Variants in NAPB observed in about 807,000 individuals in gnomAD.
NAPB encodes the protein beta-soluble NSF attachment protein.
In NAPB, 26 loss-of-function variants were observed where a neutral mutation model predicts 44.7. The observed-to-expected ratio is 0.58, with a 90% CI of 0.43 to 0.81. The LOEUF (loss-of-function observed/expected upper bound fraction) is 0.81. Ranked by LOEUF, NAPB falls within the 30% of genes least tolerant of loss-of-function variation. The pLI, the probability that NAPB is intolerant of heterozygous loss-of-function variation, is 0.00. For synonymous variants in NAPB, 120 were observed against 116.8 expected (o/e 1.03, Z -0.18); for missense variants, 315 against 356.4 (o/e 0.88, Z 0.94).
At chr20:23,377,600 A>T in intron 10 of NAPB, 114 bp from the exon 11 acceptor site, 1 of 454,638 alleles carries the variant, frequency 2.2e-6, no homozygotes, top group Non-Finnish European at 3.7e-6. Flanking sequence ...AACTTTCTTC[A>T]TCATTTGAAA....
chr20:23,384,506 T>C (rs1199615277), intron 7 of NAPB, among the ~76,000 whole-genome samples: 1 of 151,820 alleles, frequency 6.6e-6, no homozygotes, highest in Non-Finnish European at 1.5e-5. Context: ...GTCTCAGCTA[T>C]TCTGGAGGCT....
At chr20:23,378,700 C>T (rs1267002097) in intron 10 of NAPB, 1 of 151,522 alleles carries the variant, frequency 6.6e-6, no homozygotes, top group East Asian at 1.9e-4. Context: ...CCTTGGCCTC[C>T]CAAAGTGCTA....
At chr20:23,399,225 G>C (rs1025590303) in intron 2 of NAPB, among the ~76,000 whole-genome samples, 3 of 152,136 alleles carry the variant, frequency 2.0e-5, no homozygotes, top group African/African-American at 7.2e-5. Flanking sequence ...GTAGTGCTAT[G>C]ATCTGAATGG....
At chr20:23,395,068 AAAAG>A in intron 4 of NAPB, 67 bp downstream of exon 4, 1 of 1,612,718 alleles carries the variant, frequency 6.2e-7, no homozygotes, top group South Asian at 1.1e-5. Context: ...GGGAACATAA[AAAAG>A]AAAGATAGAA....
intron 7 of NAPB, among the ~76,000 whole-genome samples, chr20:23,388,213 T>A (rs1340574188): frequency 2.0e-5 from 3 of 152,008 alleles, no homozygotes; most frequent in African/African-American, 7.2e-5. Flanking sequence ...ATCAAGCGAA[T>A]CAATTCCCTC....
rs933067735 is a variant in NAPB, at chr20:23,421,479, C to A, written c.-77G>T. On this transcript the variant is annotated 5_prime_UTR_variant, in exon 1 of 11. Coordinates refer to ENST00000377026, the MANE Select transcript of NAPB (RefSeq NM_022080.3). ...GGCGCCTTAACCCTCCCTCTGGCGG[C>A]CGCAGGGACGCAGGCGCAGGCGCGA... 3.7e-6 allele frequency: 5 copies of A among 1,343,246 alleles called. No individual in the cohort carries two copies. The highest frequency in any genetic ancestry group is 5.0e-6 in the Non-Finnish European group (5 of 995,024). 83.2% of individuals were successfully genotyped at this position (1,343,246 alleles called of 1,614,324 possible).
chr20:23,394,323 C>T lies in NAPB; in HGVS notation c.420+599G>A, dbSNP rs547558202. Among the ~76,000 whole-genome samples the T allele has an allele frequency of 2.2e-4, 33 of 152,254 alleles. 1 individual carries two copies. In the East Asian group the frequency reaches 6.2e-3, roughly 29 times the overall value. On this transcript the variant is annotated intron_variant, in intron 5 of 10. Coordinates refer to ENST00000377026, the MANE Select transcript of NAPB (RefSeq NM_022080.3). ...TGCCAAGACTTGGGAGCAGGAAGGACACCGCTCACAAAAATTGCTCACAGG... is the reference window on the plus strand; with the variant it reads ...TGCCAAGACTTGGGAGCAGGAAGGATACCGCTCACAAAAATTGCTCACAGG...
At chr20:23,394,843 C>T in intron 5 of NAPB, 79 bp downstream of exon 5, 1 of 1,436,600 alleles carries the variant, frequency 7.0e-7, no homozygotes, top group Non-Finnish European at 9.8e-7. Context: ...TACGATCACT[C>T]TCAGACTGAG....
chr20:23,421,431 T>G lies in NAPB; in HGVS notation c.-29A>C. 1 of 1,535,702 alleles carries G rather than the reference T, an allele frequency of 6.5e-7. No homozygotes were observed. ...GCCCGCCGCGGCCGCCACAGCCCCC[T>G]CAGCCGGCTCGCTGTGCGCCCAGGC... is the stretch of plus-strand genomic sequence containing the variant. On this transcript the variant is annotated 5_prime_UTR_variant, in exon 1 of 11. Coordinates refer to ENST00000377026, the MANE Select transcript of NAPB (RefSeq NM_022080.3).
At chr20:23,421,097 G>A (rs1392070006) in intron 1 of NAPB, among the ~76,000 whole-genome samples, 2 of 151,528 alleles carry the variant, frequency 1.3e-5, no homozygotes, top group African/African-American at 4.8e-5. Flanking sequence ...GGGCGCGTGC[G>A]GACTGAGGGC....
In NAPB at chr20:23,377,405, C is replaced by T. The variant is rs1269723563; in HGVS notation, c.868G>A (p.Asp290Asn). ...TTTAGGTCTCCATCTCCTTCTCCAT[C>T]CCCTTGGATGGACTTTTTGATGCGA... The part of the protein sequence containing the change: ...LLRIKKSIQG[D>N]GEGDGDLK The change falls in exon 11 of 11, where the codon GAT becomes AAT. Residue 290 changes from aspartate (D) to asparagine (N), a missense_variant. This residue lies in a region of NAPB where 120 missense variants were observed against 130.5 expected (regional missense o/e 0.92). Transcript: ENST00000377026. The T allele has an allele frequency of 6.3e-7, 1 of 1,596,284 alleles. No individual in the cohort carries two copies. Among genetic ancestry groups the T allele is most frequent in the Non-Finnish European group, 8.6e-7 (1 of 1,168,294 alleles).
intron 7 of NAPB, among the ~76,000 whole-genome samples, chr20:23,382,189 G>T (rs1281253197): frequency 1.3e-5 from 2 of 152,172 alleles, no homozygotes; most frequent in Non-Finnish European, 2.9e-5. Context: ...AAGGAGAGGG[G>T]ATGCCACTTC....
chr20:23,391,152 A>G (rs528299593), intron 5 of NAPB, among the ~76,000 whole-genome samples: 1 of 152,214 alleles, frequency 6.6e-6, no homozygotes, highest in East Asian at 1.9e-4. Flanking sequence ...TCTACTAAAA[A>G]GATACAAAAA....
At chr20:23,378,826 C>CTTTTTTTTTTTTTCTTT (rs202043703) in intron 10 of NAPB, 1 of 95,694 alleles carries the variant, frequency 1.0e-5, no homozygotes, top group African/African-American at 3.6e-5. Context: ...TTTTTTTTTT[C>CTTTTTTTTTTTTTCTTT]TTTTTTTTTT....
intron 1 of NAPB, among the ~76,000 whole-genome samples, chr20:23,413,251 T>C (rs142601888): frequency 6.6e-6 from 1 of 151,420 alleles, no homozygotes; most frequent in Non-Finnish European, 1.5e-5. Context: ...GTTTAAGTAA[T>C]AATATACAAA....
At position 23,390,277 on chromosome 20, in the gene NAPB, A is replaced by G; in HGVS notation, c.421-13T>C. 1 of 1,600,438 alleles carries G rather than the reference A, an allele frequency of 6.2e-7. No individual in the cohort carries two copies. The highest frequency in any genetic ancestry group is 8.6e-7 in the Non-Finnish European group (1 of 1,168,014). On this transcript the variant is annotated splice_polypyrimidine_tract_variant and intron_variant, in intron 5 of 10. Coordinates refer to ENST00000377026, the MANE Select transcript of NAPB (RefSeq NM_022080.3). ...AATGTGCAATAGCCTGAAAACATACATATTTTATTCACACACAATTTATTT... is the reference window on the plus strand; with the variant it reads ...AATGTGCAATAGCCTGAAAACATACGTATTTTATTCACACACAATTTATTT...
chr20:23,403,320 G>C (rs897626031), intron 1 of NAPB, among the ~76,000 whole-genome samples: 1 of 152,132 alleles, frequency 6.6e-6, no homozygotes, highest in Non-Finnish European at 1.5e-5. Context: ...CTCAAACACA[G>C]GGCAGGGCAT....
chr20:23,421,452 C>A lies in NAPB; in HGVS notation c.-50G>T, dbSNP rs1345965131. ...CCCCTCAGCCGGCTCGCTGTGCGCC[C>A]AGGCGCCTTAACCCTCCCTCTGGCG... On this transcript the variant is annotated 5_prime_UTR_variant, in exon 1 of 11. Coordinates refer to ENST00000377026, the MANE Select transcript of NAPB (RefSeq NM_022080.3). The A allele has an allele frequency of 5.3e-6, 8 of 1,510,882 alleles. No homozygotes were observed. The highest frequency in any genetic ancestry group is 2.1e-5 in the Admixed American group (1 of 48,330). 93.6% of individuals were successfully genotyped at this position (1,510,882 alleles called of 1,614,324 possible).
rs569805652 is a variant in NAPB, at chr20:23,403,866, G to A, written c.99-794C>T. 2.0e-3 allele frequency among the ~76,000 whole-genome samples: 308 copies of A among 152,298 alleles called. 1 individual carries two copies. Among genetic ancestry groups the A allele is most frequent in the African/African-American group, 7.1e-3 (297 of 41,582 alleles). On this transcript the variant is annotated intron_variant, in intron 1 of 10. Transcript: ENST00000377026. ...GCCACGTCTTATGAGAAAGTGGCAC[G>A]ACATTCTACAGCTGTATGATGTCAA...
Sources: allele counts gnomAD v4.1 joint callset (sites outside exome capture counted in the v4.1 genomes callset), GRCh38; gene constraint gnomAD v4.1.1; regional missense constraint gnomAD v4.1.1; transcripts MANE v1.5; gene names NCBI Gene and HGNC (gene_info 2026-07-23, HGNC 2026-07-21).